Variants in FRMPD1 observed in about 807,000 individuals in gnomAD.
FRMPD1 encodes FERM and PDZ domain-containing protein 1.
FRMPD1 carries 76 observed loss-of-function variants against 117.8 expected under a neutral mutation model. The observed-to-expected ratio is 0.65, with a 90% confidence interval of 0.54 to 0.78. The LOEUF is 0.78. FRMPD1 is among the 30% of genes least tolerant of loss of function. FRMPD1 has a pLI of 0.00. For missense variants in FRMPD1, 1,786 were observed against 1,964.5 expected (o/e 0.91, Z 1.72); for synonymous variants, 783 against 770.4 (o/e 1.02, Z -0.27).
chr9:37,644,820 T>C, the FRMPD1 span, among the ~76,000 whole-genome samples: 206 of 152,272 alleles, frequency 1.4e-3, 2 homozygotes, highest in African/African-American at 4.8e-3. Context: ...TAAGATGAGA[T>C]GATTGCTCTG....
Position 37,740,799 on chromosome 9 carries a change from C to A in FRMPD1, c.2271C>A (p.His757Gln). Residue 757 changes from histidine (H) to glutamine (Q), a missense_variant, in exon 15 of 16, where the codon CAC (histidine) becomes CAA (glutamine). Transcript: ENST00000377765. This position sits in a 1 kb window ranked among gnomAD's most constrained non-coding sequence, Gnocchi z 4.2. ...CCATGCTGGAACCCCTGGCCCTGCA[C>A]CCACCACTGGCCTTTGAGGATGGCA... ...PSSMLEPLALHPPLAFEDGSS... is the reference protein window; with the variant it reads ...PSSMLEPLALQPPLAFEDGSS... 1 of 1,614,100 alleles carries A rather than the reference C, an allele frequency of 6.2e-7. No individual in the cohort carries two copies. The highest frequency in any genetic ancestry group is 8.5e-7 in the Non-Finnish European group (1 of 1,179,948).
intron 1 of FRMPD1, among the ~76,000 whole-genome samples, chr9:37,685,459 C>A (rs535470521): frequency 2.0e-5 from 3 of 151,328 alleles, no homozygotes; most frequent in East Asian, 3.9e-4. Flanking sequence ...CTGGCTAACA[C>A]GGTGAAACCC....
intron 5 of FRMPD1, among the ~76,000 whole-genome samples, chr9:37,713,606 G>C (rs1486418127): frequency 6.6e-6 from 1 of 151,910 alleles, no homozygotes; most frequent in Non-Finnish European, 1.5e-5. Flanking sequence ...TATGTAGAGA[G>C]AGAGAGAGAG....
chr9:37,737,644 T>C (rs1239761181), intron 14 of FRMPD1, among the ~76,000 whole-genome samples: 1 of 151,838 alleles, frequency 6.6e-6, no homozygotes, highest in African/African-American at 2.4e-5. Flanking sequence ...GCCAACATGG[T>C]GAAACCTCAT....
the FRMPD1 span, chr9:37,636,926 C>T: frequency 6.2e-7 from 1 of 1,608,616 alleles, no homozygotes; most frequent in Non-Finnish European, 8.5e-7. Flanking sequence ...GGTGAGGTCG[C>T]TCTTGTTGCC....
intron 2 of FRMPD1, among the ~76,000 whole-genome samples, chr9:37,699,990 T>C (rs1048068808): frequency 3.9e-5 from 6 of 152,244 alleles, no homozygotes; most frequent in Non-Finnish European, 8.8e-5. Context: ...CAAACTTACT[T>C]GGTTATTACA....
At chr9:37,692,855 C>G in intron 2 of FRMPD1, 113 bp downstream of exon 2, 4 of 790,874 alleles carry the variant, frequency 5.1e-6, no homozygotes, top group Non-Finnish European at 8.8e-6. Context: ...TTGCTTTGTT[C>G]TTACACCATA....
At position 37,737,823 on chromosome 9, in the gene FRMPD1, TAA is replaced by T. The variant is rs35965958; in HGVS notation, c.1549+602_1549+603del. On this transcript the variant is annotated intron_variant, in intron 14 of 15. Coordinates refer to ENST00000377765, the MANE Select transcript of FRMPD1 (RefSeq NM_014907.3). ...GGGCAACAAGAGCGAAACTCCATCTTAAAAAAAAAAAAAAAAAAAAAAAGATT... is the reference window on the plus strand; with the variant it reads ...GGGCAACAAGAGCGAAACTCCATCTTAAAAAAAAAAAAAAAAAAAAAGATT... 3.9e-3 allele frequency among the ~76,000 whole-genome samples: 416 copies of T among 106,276 alleles called. 2 individuals are homozygous for T. The highest frequency in any genetic ancestry group is 6.3e-3 in the African/African-American group (175 of 27,982). 69.7% of individuals were successfully genotyped at this position (106,276 alleles called of 152,430 possible). A position where few individuals can be genotyped will look rare whatever the true frequency, so the allele number is the denominator to read the frequency against.
the FRMPD1 span, among the ~76,000 whole-genome samples, chr9:37,607,292 G>T: frequency 2.0e-5 from 3 of 152,030 alleles, no homozygotes; most frequent in East Asian, 3.9e-4. Flanking sequence ...CTCCAGCCTG[G>T]GTGACAAAGT....
intron 6 of FRMPD1, among the ~76,000 whole-genome samples, chr9:37,723,642 G>A (rs944090386): frequency 2.6e-5 from 4 of 152,160 alleles, no homozygotes; most frequent in Non-Finnish European, 5.9e-5. Flanking sequence ...CGGATCACTT[G>A]AGGCCAGGGG....
At chr9:37,697,570 A>G (rs186577099) in intron 2 of FRMPD1, among the ~76,000 whole-genome samples, 5 of 152,248 alleles carry the variant, frequency 3.3e-5, no homozygotes, top group African/African-American at 1.2e-4. Context: ...CTGTCTCAAA[A>G]AGAAAAAAAA....
At chr9:37,707,696 G>T in intron 3 of FRMPD1, 123 bp downstream of exon 3, 2 of 810,948 alleles carry the variant, frequency 2.5e-6, no homozygotes, top group Non-Finnish European at 2.0e-6. Flanking sequence ...GTTAGAAAAG[G>T]CACACCTAAT....
rs1169721773 is a variant in FRMPD1, at chr9:37,744,650, C to T, written c.2618C>T (p.Pro873Leu). The change falls in exon 16 of 16, where the codon CCC becomes CTC. Residue 873 changes from proline to leucine, a missense_variant. Coordinates refer to ENST00000377765, the MANE Select transcript of FRMPD1 (RefSeq NM_014907.3). ...VDDVCYYDRE[P>L]YLALGAPSPT... is the part of the protein sequence containing the mutation. ...GACGTGTGCTACTATGACAGGGAGC[C>T]CTACCTGGCCCTTGGTGCACCCTCC... The T allele has an allele frequency of 2.5e-6, 4 of 1,613,878 alleles. No homozygotes were observed. Among genetic ancestry groups the T allele is most frequent in the Non-Finnish European group, 2.5e-6 (3 of 1,179,910 alleles).
At chr9:37,698,990 C>T (rs1005299336) in intron 2 of FRMPD1, among the ~76,000 whole-genome samples, 10 of 152,062 alleles carry the variant, frequency 6.6e-5, no homozygotes, top group South Asian at 2.1e-4. Context: ...CCACCTGCCT[C>T]GGCCTCCCAA....
At chr9:37,675,546 A>T (rs1821498585) in intron 1 of FRMPD1, among the ~76,000 whole-genome samples, 1 of 152,104 alleles carries the variant, frequency 6.6e-6, no homozygotes, top group Non-Finnish European at 1.5e-5. Flanking sequence ...GTGGTTGGAT[A>T]TGGGGGGAGG....
At chr9:37,655,792 C>T (rs964025277) in intron 1 of FRMPD1, among the ~76,000 whole-genome samples, 7 of 152,036 alleles carry the variant, frequency 4.6e-5, no homozygotes, top group Non-Finnish European at 7.4e-5. Context: ...CATGAGTCCC[C>T]GTGCCCAGCC....
intron 15 of FRMPD1, among the ~76,000 whole-genome samples, chr9:37,743,644 C>G (rs1188531391): frequency 1.4e-5 from 2 of 145,610 alleles, no homozygotes; most frequent in Non-Finnish European, 3.0e-5. Context: ...TTCCAGCAGA[C>G]TCTAACCATT....
At chr9:37,605,132 T>C in the FRMPD1 span, among the ~76,000 whole-genome samples, 1 of 152,228 alleles carries the variant, frequency 6.6e-6, no homozygotes. Context: ...ATATTGTATA[T>C]GACTTTCAGT....
intron 1 of FRMPD1, among the ~76,000 whole-genome samples, chr9:37,652,747 C>T (rs147898998): frequency 7.2e-5 from 11 of 152,334 alleles, no homozygotes; most frequent in East Asian, 1.9e-4. Context: ...CACTTTCTCA[C>T]TACTCATTCG....
Sources: gnomAD v4.1 joint callset for allele counts (sites outside exome capture counted in the v4.1 genomes callset) on GRCh38, gnomAD v4.1.1 for gene constraint, Gnocchi (gnomAD v3.1) non-coding constraint, MANE v1.5 for transcripts, NCBI Gene and HGNC (gene_info 2026-07-23, HGNC 2026-07-21) for gene names.